CNTNAP5: variants seen among roughly 807,000 people sequenced by gnomAD.
CNTNAP5 encodes the protein contactin-associated protein-like 5.
Under a neutral mutation model 150.2 loss-of-function variants are expected in CNTNAP5, and 72 were observed. That is an observed-to-expected ratio of 0.48 (90% CI 0.40 to 0.58). The LOEUF (loss-of-function observed/expected upper bound fraction) is 0.58, where lower values mean the gene tolerates loss of function less well. Among genes scored for constraint, CNTNAP5 ranks in the 20% least tolerant of loss-of-function variants. The probability of loss-of-function intolerance (pLI) is 0.00; values close to 1 mark genes in which losing one functional copy is unlikely to be tolerated. For missense variants in CNTNAP5, 1,636 were observed against 1,626.2 expected, an observed-to-expected ratio of 1.01 and a Z score of -0.10; for synonymous variants, 672 against 619.8, an observed-to-expected ratio of 1.08 and a Z score of -1.25.
At chr2:124,408,610 C>A (rs1221378152) in intron 3 of CNTNAP5, among the ~76,000 whole-genome samples, 3 of 151,866 alleles carry the variant, frequency 2.0e-5, no homozygotes, top group Admixed American at 6.6e-5. Flanking sequence ...GGAGGCACCC[C>A]CCAGCAGGGG....
At chr2:124,043,547 C>T (rs962995772) in intron 1 of CNTNAP5, among the ~76,000 whole-genome samples, 1 of 151,978 alleles carries the variant, frequency 6.6e-6, no homozygotes, top group African/African-American at 2.4e-5. Flanking sequence ...TGACATGATT[C>T]CTTTCCCTTG....
At chr2:124,817,695 T>G (rs1363868101) in intron 19 of CNTNAP5, among the ~76,000 whole-genome samples, 1 of 152,124 alleles carries the variant, frequency 6.6e-6, no homozygotes, top group Non-Finnish European at 1.5e-5. Flanking sequence ...ACAAATAGTG[T>G]GACTTGAGGA....
chr2:124,526,154 A>T (rs1006069137), intron 9 of CNTNAP5, among the ~76,000 whole-genome samples: 5 of 152,216 alleles, frequency 3.3e-5, no homozygotes, highest in Non-Finnish European at 7.3e-5. Flanking sequence ...CCTCAGTTGA[A>T]GAAGCGTTCT....
chr2:124,090,694 G>A (rs1396237567), intron 1 of CNTNAP5, among the ~76,000 whole-genome samples: 4 of 152,094 alleles, frequency 2.6e-5, no homozygotes, highest in Non-Finnish European at 5.9e-5. Context: ...AAAAGAAGAA[G>A]GAAGTAGGTA....
intron 1 of CNTNAP5, among the ~76,000 whole-genome samples, chr2:124,101,419 G>C (rs1323225729): frequency 6.6e-6 from 1 of 152,008 alleles, no homozygotes; most frequent in African/African-American, 2.4e-5. Flanking sequence ...CCTCTAATTA[G>C]GTGCTCACCT....
At chr2:124,601,802 T>C (rs1696991134) in intron 11 of CNTNAP5, among the ~76,000 whole-genome samples, 1 of 152,236 alleles carries the variant, frequency 6.6e-6, no homozygotes, top group African/African-American at 2.4e-5. Flanking sequence ...AGTATGTCCA[T>C]GTTATGAAAT....
Position 124,086,482 on chromosome 2 carries a change from C to T in CNTNAP5, c.82+60750C>T, listed in dbSNP as rs565196142. 6.2e-4 allele frequency among the ~76,000 whole-genome samples: 94 copies of T among 151,718 alleles called. 2 individuals carry two copies. In the South Asian group the frequency reaches 0.019, roughly 31 times the overall value. On this transcript the variant is annotated intron_variant, in intron 1 of 23. Transcript: ENST00000682447. ...CCTCTCTAACTGCTGGGATTACAAG[C>T]GTGAGCCACTGTACCTGGCCTGGTG... is the stretch of plus-strand genomic sequence containing the variant.
chr2:124,434,498 G>C lies in CNTNAP5; in HGVS notation c.544G>C (p.Asp182His), dbSNP rs1418372297. The change falls in exon 5 of 24, where the codon GAC becomes CAC. Residue 182 changes from aspartate to histidine, a missense_variant. Transcript: ENST00000682447. ...TTTGTTCCCAGAATCAGATGTTGCT[G>C]ACTTTGATGGCCGAAGCTCACTTCT... ...YGCSYKSDVA[D>H]FDGRSSLLYR... The C allele has an allele frequency of 6.2e-7, 1 of 1,613,704 alleles. No individual in the cohort carries two copies. The highest frequency in any genetic ancestry group is 2.2e-5 in the East Asian group (1 of 44,886).
chr2:124,691,509 T>A (rs1679299831), intron 13 of CNTNAP5, among the ~76,000 whole-genome samples: 1 of 152,086 alleles, frequency 6.6e-6, no homozygotes, highest in Non-Finnish European at 1.5e-5. Flanking sequence ...GGACTTCATT[T>A]CATTTAGGGA....
At chr2:124,762,221 C>T (rs1024492957) in intron 14 of CNTNAP5, among the ~76,000 whole-genome samples, 2 of 151,948 alleles carry the variant, frequency 1.3e-5, no homozygotes, top group African/African-American at 4.8e-5. Context: ...TACAGGTATT[C>T]GAATTGTAGA....
At chr2:124,285,538 G>T (rs1408342739) in intron 3 of CNTNAP5, among the ~76,000 whole-genome samples, 1 of 151,920 alleles carries the variant, frequency 6.6e-6, no homozygotes, top group Non-Finnish European at 1.5e-5. Flanking sequence ...GGTGGCTCAC[G>T]CCCGTAATCT....
chr2:124,413,828 A>G (rs913673171), intron 3 of CNTNAP5, among the ~76,000 whole-genome samples: 3 of 141,202 alleles, frequency 2.1e-5, no homozygotes, highest in African/African-American at 8.0e-5. Context: ...ACATGTATAC[A>G]TATGTAACTA....
chr2:124,699,567 G>A (rs1679475922), intron 13 of CNTNAP5, among the ~76,000 whole-genome samples: 1 of 152,098 alleles, frequency 6.6e-6, no homozygotes, highest in Admixed American at 6.6e-5. Flanking sequence ...AAGGTTGTGC[G>A]GATGTGCCAC....
intron 14 of CNTNAP5, among the ~76,000 whole-genome samples, chr2:124,755,071 G>GTT (rs567868235): frequency 1.3e-5 from 2 of 149,522 alleles, no homozygotes; most frequent in Non-Finnish European, 3.0e-5. Context: ...ATTAAAGCAG[G>GTT]TTTTTTTTTT....
chr2:124,077,476 T>C (rs1267838464), intron 1 of CNTNAP5, among the ~76,000 whole-genome samples: 1 of 152,124 alleles, frequency 6.6e-6, no homozygotes, highest in Non-Finnish European at 1.5e-5. Flanking sequence ...TTAAAAACAA[T>C]CTGTCTACCT....
chr2:124,527,533 A>C (rs1695002786), intron 10 of CNTNAP5, 77 bp downstream of exon 10: 3 of 1,208,356 alleles, frequency 2.5e-6, no homozygotes. Flanking sequence ...TTCTTTAAGC[A>C]AAATTCTAAT....
chr2:124,033,331 C>A (rs925886347), intron 1 of CNTNAP5, among the ~76,000 whole-genome samples: 4 of 152,080 alleles, frequency 2.6e-5, no homozygotes, highest in Non-Finnish European at 5.9e-5. Context: ...TAAAGGCAAT[C>A]CAAAGCAAAT....
At chr2:124,261,477 A>G in intron 3 of CNTNAP5, among the ~76,000 whole-genome samples, 1 of 152,192 alleles carries the variant, frequency 6.6e-6, no homozygotes, top group East Asian at 1.9e-4. Flanking sequence ...ACATAAAAAT[A>G]TCAATAACGA....
chr2:124,230,163 C>A (rs997587942), intron 2 of CNTNAP5, among the ~76,000 whole-genome samples: 4 of 152,198 alleles, frequency 2.6e-5, no homozygotes, highest in East Asian at 1.9e-4. Flanking sequence ...ACTTACCACC[C>A]CCCATACCAC....
Sources: allele counts gnomAD v4.1 joint callset (sites outside exome capture counted in the v4.1 genomes callset), GRCh38; gene constraint gnomAD v4.1.1; transcripts MANE v1.5; gene names NCBI Gene and HGNC (gene_info 2026-07-23, HGNC 2026-07-21).